RIIAD1: variants seen among roughly 807,000 people sequenced by gnomAD.
The protein encoded by RIIAD1 is RIIa domain-containing protein 1.
In RIIAD1, 15 loss-of-function variants were observed where a neutral mutation model predicts 13.3. The observed-to-expected ratio is 1.13, with a 90% CI of 0.76 to 1.74. The LOEUF (loss-of-function observed/expected upper bound fraction) is 1.74. Among genes scored for constraint, RIIAD1 ranks in the 40% most tolerant of loss-of-function variants. The probability of loss-of-function intolerance (pLI) is 0.00; values close to 1 mark genes in which losing one functional copy is unlikely to be tolerated. For synonymous variants in RIIAD1, 50 were observed against 43.3 expected (o/e 1.16, Z -0.61); for missense variants, 121 against 112.2 (o/e 1.08, Z -0.35).
upstream of RIIAD1, among the ~76,000 whole-genome samples, chr1:151,717,811 G>A (rs1673597373): frequency 6.6e-6 from 1 of 152,172 alleles, no homozygotes; most frequent in Admixed American, 6.5e-5. Context: ...GCACATTCGG[G>A]GACCATTGCT....
upstream of RIIAD1, among the ~76,000 whole-genome samples, chr1:151,716,984 G>C (rs904330700): frequency 6.6e-6 from 1 of 152,030 alleles, no homozygotes; most frequent in South Asian, 2.1e-4. Flanking sequence ...AAGAGCAGCT[G>C]GTCCTGTTGA....
chr1:151,720,801 T>C (rs1363616893), upstream of RIIAD1, among the ~76,000 whole-genome samples: 2 of 152,244 alleles, frequency 1.3e-5, no homozygotes, highest in Non-Finnish European at 2.9e-5. Flanking sequence ...TATTTTCAGC[T>C]CTCTGGCTTT....
intron 2 of RIIAD1, among the ~76,000 whole-genome samples, chr1:151,722,604 A>T (rs897733451): frequency 1.4e-4 from 22 of 152,178 alleles, no homozygotes; most frequent in Admixed American, 1.2e-3. Flanking sequence ...TCCTAATGGG[A>T]TGAAGAAGGA....
rs562162637 is a variant in RIIAD1 at position 151,714,708 on chromosome 1, G to A, written c.21+179G>A. The A allele has an allele frequency of 1.5e-4, 210 of 1,447,824 alleles. 1 individual carries two copies. The South Asian group carries it at 2.2e-3, about 15-fold the overall frequency. The allele number at this position is 1,447,824 out of a possible 1,614,324, so 89.7% of individuals were successfully genotyped here. A position where few individuals can be genotyped will look rare whatever the true frequency, so the allele number is the denominator to read the frequency against. On this transcript the variant is annotated intron_variant, in intron 4 of 8. Transcript: ENST00000326413. Reference sequence around the variant, plus strand: ...AGGGGCAGGGGCAGAGAAACACGGCGGGGGGTGAGTCCTCCATCTCCCCTC... The same window carrying A: ...AGGGGCAGGGGCAGAGAAACACGGCAGGGGGTGAGTCCTCCATCTCCCCTC...
chr1:151,722,418 A>G (rs1673754289), intron 2 of RIIAD1, among the ~76,000 whole-genome samples: 1 of 152,194 alleles, frequency 6.6e-6, no homozygotes, highest in Non-Finnish European at 1.5e-5. Flanking sequence ...TTAAAACAAA[A>G]ATCAGTTGTC....
chr1:151,723,777 A>C (rs1413541543), intron 2 of RIIAD1, among the ~76,000 whole-genome samples: 1 of 152,220 alleles, frequency 6.6e-6, no homozygotes, highest in East Asian at 1.9e-4. Flanking sequence ...CAGAGGGCAG[A>C]TAGGGGAAGG....
At chr1:151,727,097 TG>T (rs1303502425) in intron 2 of RIIAD1, among the ~76,000 whole-genome samples, 4 of 152,072 alleles carry the variant, frequency 2.6e-5, no homozygotes, top group Non-Finnish European at 5.9e-5. Context: ...GAAACCAGCC[TG>T]GGCCACATAG....
chr1:151,714,116 G>T (rs759682221), intron 3 of RIIAD1, among the ~76,000 whole-genome samples: 2 of 152,058 alleles, frequency 1.3e-5, no homozygotes, highest in East Asian at 3.9e-4. Flanking sequence ...GAAGGGAGAT[G>T]AGAGCTCAAG....
chr1:151,725,002 G>T (rs1196602501), intron 2 of RIIAD1, among the ~76,000 whole-genome samples: 1 of 150,738 alleles, frequency 6.6e-6, no homozygotes, highest in Non-Finnish European at 1.5e-5. Context: ...TAGAGACGGG[G>T]TTTCACTGCG....
At chr1:151,714,669 G>T in intron 4 of RIIAD1, 1 of 1,558,174 alleles carries the variant, frequency 6.4e-7, no homozygotes, top group Non-Finnish European at 8.7e-7. Context: ...ATGTCAGGAA[G>T]GCACATCCTG....
intron 4 of RIIAD1, among the ~76,000 whole-genome samples, chr1:151,715,368 C>A (rs896059579): frequency 6.6e-6 from 1 of 152,138 alleles, no homozygotes; most frequent in Non-Finnish European, 1.5e-5. Context: ...CAATCTCCAG[C>A]CTTCATGCCC....
intron 2 of RIIAD1, among the ~76,000 whole-genome samples, chr1:151,723,492 G>A (rs1259829728): frequency 6.6e-6 from 1 of 151,650 alleles, no homozygotes; most frequent in Non-Finnish European, 1.5e-5. Context: ...TTGAGGCCAG[G>A]AGTTCGAGAC....
intron 3 of RIIAD1, 86 bp downstream of exon 3, chr1:151,727,707 A>G (rs1673858183): frequency 2.4e-6 from 2 of 828,130 alleles, no homozygotes; most frequent in South Asian, 3.0e-5. Flanking sequence ...TGAGCCCAGG[A>G]TTCTCCCAGA....
In RIIAD1 at chr1:151,727,901, T is replaced by G. The variant is rs181152886; in HGVS notation, c.208+280T>G. On this transcript the variant is annotated intron_variant, in intron 3 of 4. Coordinates refer to ENST00000479191, the MANE Select transcript of RIIAD1 (RefSeq NM_001144956.3). ...AGCGGCAGTTTTTCCCTTGGGAATC[T>G]TAAAGCAGGGTTCTCAACCCTAGCT... Among the ~76,000 whole-genome samples the G allele has an allele frequency of 3.3e-5, 5 of 152,354 alleles. No homozygotes were observed. In the East Asian group the frequency reaches 7.7e-4, roughly 23 times the overall value.
Position 151,727,620 on chromosome 1 carries a change from A to G in RIIAD1, c.207A>G (p.Ala69=). The change falls in exon 3 of 5, where the codon GCA becomes GCG. Residue 69 remains alanine, a splice_region_variant and synonymous_variant. Coordinates refer to ENST00000479191, the MANE Select transcript of RIIAD1 (RefSeq NM_001144956.3). ...CAGACAACATCCTAGAATTTGCTGC[A>G]GGTGAGTAAGGCAGCGTCGGTTTTG... ...KRPDNILEFA[A]DYFTDPRLPN... is the part of the protein sequence containing the mutation. The G allele has an allele frequency of 6.5e-7, 1 of 1,547,440 alleles. No individual in the cohort carries two copies. The highest frequency in any genetic ancestry group is 1.2e-5 in the South Asian group (1 of 83,992).
At chr1:151,717,498 G>T (rs1227673614), upstream of RIIAD1, among the ~76,000 whole-genome samples, 1 of 152,246 alleles carries the variant, frequency 6.6e-6, no homozygotes, top group Non-Finnish European at 1.5e-5. Context: ...CCGCGGAGGC[G>T]GCGCCGCGGG....
At chr1:151,715,888 C>T in intron 4 of RIIAD1, 1 of 1,613,782 alleles carries the variant, frequency 6.2e-7, no homozygotes, top group Non-Finnish European at 8.5e-7. Flanking sequence ...TTGTGCAGCC[C>T]GGTGTACTTG....
chr1:151,725,859 C>G (rs188825642), intron 2 of RIIAD1, among the ~76,000 whole-genome samples: 1 of 152,260 alleles, frequency 6.6e-6, no homozygotes, highest in Admixed American at 6.5e-5. Flanking sequence ...ATTCAAGGCT[C>G]TCCGTAATAG....
intron 2 of RIIAD1, 24 bp downstream of exon 2, chr1:151,722,186 G>A: frequency 6.8e-7 from 1 of 1,462,128 alleles, no homozygotes; most frequent in Non-Finnish European, 9.4e-7. Context: ...CAGGCTCTGG[G>A]ATTTGTGGCA....
Sources: allele counts gnomAD v4.1 joint callset (sites outside exome capture counted in the v4.1 genomes callset), GRCh38; gene constraint gnomAD v4.1.1; transcripts MANE v1.5; gene names NCBI Gene and HGNC (gene_info 2026-07-23, HGNC 2026-07-21).